LAMB4: variants seen among roughly 807,000 people sequenced by gnomAD.
LAMB4 encodes the protein laminin subunit beta 4.
A neutral mutation model predicts 199.2 loss-of-function variants in LAMB4; 196 were observed. The observed-to-expected ratio is 0.98, with a 90% CI of 0.88 to 1.11. LAMB4 has a LOEUF of 1.11. LAMB4 is among the 50% of genes least tolerant of loss of function. The probability of loss-of-function intolerance (pLI) is 0.00; values close to 1 mark genes in which losing one functional copy is unlikely to be tolerated. For missense variants in LAMB4, 2,080 were observed against 2,171.2 expected (o/e 0.96, Z 0.83); for synonymous variants, 744 against 770.6 (o/e 0.97, Z 0.57).
intron 4 of LAMB4, among the ~76,000 whole-genome samples, chr7:108,111,223 C>T (rs922994350): frequency 1.3e-5 from 2 of 152,174 alleles, no homozygotes; most frequent in African/African-American, 4.8e-5. Context: ...ATCAAGTCCA[C>T]ATTTATAGCG....
chr7:108,051,681 G>C (rs553034074), intron 26 of LAMB4, among the ~76,000 whole-genome samples: 12 of 152,104 alleles, frequency 7.9e-5, no homozygotes, highest in African/African-American at 2.9e-4. Flanking sequence ...AATATTGTGG[G>C]GTTTTTTTTG....
chr7:108,116,162 C>T lies in LAMB4; in HGVS notation c.35-1G>A. On this transcript the variant is annotated splice_acceptor_variant, in intron 2 of 33. Coordinates refer to ENST00000388781, the MANE Select transcript of LAMB4 (RefSeq NM_007356.3). LOFTEE classifies it high-confidence loss of function. ...TGAGCTTTTGAGTAACTGAGCCACC[C>T]TTGAACACAACAGAAATAGCTTACA... 6.2e-7 allele frequency: 1 copy of T among 1,613,006 alleles called. No individual in the cohort carries two copies. The highest frequency in any genetic ancestry group is 8.5e-7 in the Non-Finnish European group (1 of 1,179,260).
chr7:108,018,663 C>T (rs2150469171), downstream of LAMB4, among the ~76,000 whole-genome samples: 1 of 152,242 alleles, frequency 6.6e-6, no homozygotes, highest in South Asian at 2.1e-4. Flanking sequence ...TGAGATCGCG[C>T]CACTGCACTC....
rs767904234 is a variant in LAMB4, at chr7:108,047,896, G to T, written c.4326+12C>A. ...CTATAACTTTACAAATAAAGCAAGA[G>T]AAGATATTTACCTGATTTTTCAACC... On this transcript the variant is annotated intron_variant, in intron 28 of 33. Transcript: ENST00000388781. 3.2e-5 allele frequency: 52 copies of T among 1,603,026 alleles called. No individual in the cohort carries two copies. Among genetic ancestry groups the T allele is most frequent in the Non-Finnish European group, 4.2e-5 (49 of 1,170,050 alleles).
At chr7:108,106,709 C>A in intron 6 of LAMB4, 137 bp from the exon 7 acceptor site, 1 of 557,894 alleles carries the variant, frequency 1.8e-6, no homozygotes, top group Non-Finnish European at 3.2e-6. Flanking sequence ...AGACCACAGG[C>A]ATGCACCACC....
chr7:108,069,979 G>T, intron 17 of LAMB4, 94 bp from the exon 18 acceptor site: 3 of 942,708 alleles, frequency 3.2e-6, no homozygotes, highest in Admixed American at 5.3e-5. Flanking sequence ...GAAAATAATG[G>T]TTCAAAGAAG....
chr7:108,054,950 T>C (rs758561840), intron 25 of LAMB4, among the ~76,000 whole-genome samples: 1 of 152,246 alleles, frequency 6.6e-6, no homozygotes, highest in Non-Finnish European at 1.5e-5. Flanking sequence ...TATTAATGTA[T>C]AGGCTTCTAA....
At chr7:108,086,509 T>G (rs1359437016) in intron 14 of LAMB4, among the ~76,000 whole-genome samples, 1 of 152,174 alleles carries the variant, frequency 6.6e-6, no homozygotes, top group Non-Finnish European at 1.5e-5. Flanking sequence ...ATTCTTCTCT[T>G]GTACTAAACT....
At chr7:108,087,379 A>G (rs1396491321) in intron 14 of LAMB4, among the ~76,000 whole-genome samples, 3 of 152,206 alleles carry the variant, frequency 2.0e-5, no homozygotes, top group Admixed American at 6.5e-5. Flanking sequence ...AAGACAGCCA[A>G]CGTCTGCTTT....
chr7:108,122,846 A>G (rs1015022119), intron 2 of LAMB4, among the ~76,000 whole-genome samples: 1 of 152,222 alleles, frequency 6.6e-6, no homozygotes, highest in African/African-American at 2.4e-5. Context: ...AATTAGATGC[A>G]TTGTATTTGT....
At chr7:108,104,900 A>T (rs527327985) in intron 8 of LAMB4, among the ~76,000 whole-genome samples, 82 of 152,152 alleles carry the variant, frequency 5.4e-4, no homozygotes, top group African/African-American at 1.9e-3. Flanking sequence ...CCTCAATAAA[A>T]TGAGGGACAG....
At chr7:108,015,020 C>G in the LAMB4 span, among the ~76,000 whole-genome samples, 1 of 151,936 alleles carries the variant, frequency 6.6e-6, no homozygotes. Context: ...CTGCGCCCGG[C>G]CTAGAACTGA....
At position 108,109,308 on chromosome 7, in the gene LAMB4, T is replaced by C; in HGVS notation, c.329-64A>G. On this transcript the variant is annotated intron_variant, in intron 4 of 33. Transcript: ENST00000388781. The stretch of plus-strand genomic sequence containing the variant: ...GAGAGACTTCTGCTTATCATGTTAA[T>C]TCCCCATTGTGGCTTATCTGTAATA... 4 of 1,147,984 alleles carry C rather than the reference T, an allele frequency of 3.5e-6. 1 individual carries two copies. Among genetic ancestry groups the C allele is most frequent in the South Asian group, 2.5e-5 (2 of 81,082 alleles). 71.1% of individuals were successfully genotyped at this position (1,147,984 alleles called of 1,614,324 possible).
At chr7:108,075,869 A>C (rs1206405735) in intron 17 of LAMB4, 1 of 165,300 alleles carries the variant, frequency 6.0e-6, no homozygotes, top group African/African-American at 2.4e-5. Context: ...CTGAAGCAGG[A>C]GAATTGCTTG....
chr7:108,054,012 G>A (rs1041322302), intron 25 of LAMB4, among the ~76,000 whole-genome samples: 4 of 152,188 alleles, frequency 2.6e-5, no homozygotes, highest in Non-Finnish European at 4.4e-5. Context: ...ATCTTGCAAC[G>A]CAGAAGTTGT....
intron 30 of LAMB4, among the ~76,000 whole-genome samples, chr7:108,037,110 T>C (rs1436655554): frequency 6.6e-6 from 1 of 151,996 alleles, no homozygotes; most frequent in Non-Finnish European, 1.5e-5. Context: ...TAATGAGTAT[T>C]GCACATTTAT....
Position 108,078,265 on chromosome 7 carries a change from C to A in LAMB4, c.1939G>T (p.Glu647Ter). The A allele has an allele frequency of 6.2e-7, 1 of 1,611,488 alleles. No homozygotes were observed. ...QIVVNPPGGSEHCIPKTLQSK... is the reference protein window; with the variant it reads ...QIVVNPPGGS The stretch of plus-strand genomic sequence containing the variant: ...TGTAGAGTCTTGGGTATGCAGTGCT[C>A]ACTCCCTCCAGGGGGGTTCACCACA... Residue 647 changes from glutamate to a stop codon, truncating the protein, a stop_gained, in exon 16 of 34, where the codon GAG (glutamate) becomes TAG (stop). Coordinates refer to ENST00000388781, the MANE Select transcript of LAMB4 (RefSeq NM_007356.3). LOFTEE classifies it high-confidence loss of function.
intron 26 of LAMB4, among the ~76,000 whole-genome samples, chr7:108,051,836 C>A (rs1007158483): frequency 5.3e-5 from 8 of 152,082 alleles, no homozygotes; most frequent in African/African-American, 1.9e-4. Flanking sequence ...ATGGGTTTGG[C>A]ACTAGATTAC....
At chr7:108,056,140 TA>T in intron 24 of LAMB4, 133 bp from the exon 25 acceptor site, 1 of 792,192 alleles carries the variant, frequency 1.3e-6, no homozygotes, top group Non-Finnish European at 2.0e-6. Flanking sequence ...TTAAAGCCAA[TA>T]TAATTTCAGA....
Sources: allele counts gnomAD v4.1 joint callset (sites outside exome capture counted in the v4.1 genomes callset), GRCh38; gene constraint gnomAD v4.1.1; transcripts MANE v1.5; gene names NCBI Gene and HGNC (gene_info 2026-07-23, HGNC 2026-07-21).